Variants in OPCML observed in about 807,000 individuals in gnomAD.
OPCML encodes opioid binding protein/cell adhesion molecule like.
Under a neutral mutation model 37.8 loss-of-function variants are expected in OPCML, and 13 were observed. That is an observed-to-expected ratio of 0.34 (90% CI 0.22 to 0.55). The LOEUF (loss-of-function observed/expected upper bound fraction) is 0.55. Ranked by LOEUF, OPCML falls within the 20% of genes least tolerant of loss-of-function variation. OPCML has a pLI of 0.91. For synonymous variants in OPCML, 176 were observed against 168.8 expected (o/e 1.04, Z -0.33); for missense variants, 341 against 435.6 (o/e 0.78, Z 1.93).
chr11:133,380,312 A>G (rs1944903945), intron 1 of OPCML, among the ~76,000 whole-genome samples: 1 of 152,242 alleles, frequency 6.6e-6, no homozygotes, highest in South Asian at 2.1e-4. Flanking sequence ...ATAAAAGGCA[A>G]TCACAGAATT....
At chr11:133,518,616 C>T (rs990764241) in intron 1 of OPCML, among the ~76,000 whole-genome samples, 5 of 149,680 alleles carry the variant, frequency 3.3e-5, no homozygotes, top group African/African-American at 5.0e-5. Context: ...GGGGCTGTGG[C>T]GTGGGCAGTG....
At chr11:133,265,717 A>C (rs1941638099) in intron 1 of OPCML, among the ~76,000 whole-genome samples, 1 of 152,164 alleles carries the variant, frequency 6.6e-6, no homozygotes, top group Admixed American at 6.5e-5. Flanking sequence ...AGTCAGGCTG[A>C]GTACCACAGA....
intron 1 of OPCML, among the ~76,000 whole-genome samples, chr11:133,070,731 G>T (rs1056849550): frequency 5.3e-5 from 8 of 152,116 alleles, no homozygotes; most frequent in African/African-American, 1.9e-4. Context: ...CCATTGCCTG[G>T]GTTCATACTG....
intron 2 of OPCML, among the ~76,000 whole-genome samples, chr11:132,746,710 T>A (rs898988681): frequency 2.0e-5 from 3 of 152,206 alleles, no homozygotes; most frequent in Admixed American, 2.0e-4. Context: ...CTGGCAGGTA[T>A]GATTTCATAA....
chr11:133,462,398 C>T (rs1946878911), intron 1 of OPCML, among the ~76,000 whole-genome samples: 1 of 152,010 alleles, frequency 6.6e-6, no homozygotes. Flanking sequence ...CAGAGTGAAA[C>T]TGCAACCTAT....
chr11:132,621,942 C>T (rs577780637), intron 3 of OPCML, among the ~76,000 whole-genome samples: 42 of 152,210 alleles, frequency 2.8e-4, no homozygotes, highest in African/African-American at 9.4e-4. Flanking sequence ...TTTGTAGACA[C>T]TACAAGAAAA....
At chr11:132,604,307 C>T (rs1365426981) in intron 3 of OPCML, among the ~76,000 whole-genome samples, 2 of 151,964 alleles carry the variant, frequency 1.3e-5, no homozygotes, top group Non-Finnish European at 2.9e-5. Context: ...GGGAGGAGTC[C>T]GTGCCTTGCT....
rs557919647 is a variant in OPCML, at chr11:132,699,136, G to T, written c.147-41817C>A. 2.6e-5 allele frequency among the ~76,000 whole-genome samples: 4 copies of T among 151,404 alleles called. No homozygotes were observed. In the East Asian group the frequency reaches 7.8e-4, roughly 30 times the overall value. ...TAATGCTATTGTAAATGGGACTGTT[G>T]TTTCAACTTCTTTTTGATAGGTTCT... On this transcript the variant is annotated intron_variant, in intron 2 of 7. Coordinates refer to ENST00000524381, the MANE Select transcript of OPCML (RefSeq NM_001012393.5).
chr11:132,896,011 A>T (rs533515112), intron 2 of OPCML, among the ~76,000 whole-genome samples: 1 of 152,116 alleles, frequency 6.6e-6, no homozygotes. Flanking sequence ...AAGAAATATA[A>T]AGTTGGATCA....
At chr11:133,454,044 A>G (rs1946628442) in intron 1 of OPCML, among the ~76,000 whole-genome samples, 1 of 152,198 alleles carries the variant, frequency 6.6e-6, no homozygotes, top group African/African-American at 2.4e-5. Context: ...CATCTGATCC[A>G]ACTGCATTCC....
At chr11:132,907,192 T>G (rs931446019) in intron 2 of OPCML, among the ~76,000 whole-genome samples, 3 of 152,214 alleles carry the variant, frequency 2.0e-5, no homozygotes, top group African/African-American at 7.2e-5. Flanking sequence ...TTTTGCAATA[T>G]GAACCCTCCA....
At chr11:133,517,416 C>T (rs1227368061) in intron 1 of OPCML, among the ~76,000 whole-genome samples, 2 of 152,138 alleles carry the variant, frequency 1.3e-5, no homozygotes, top group East Asian at 3.9e-4. Context: ...GATAGTACAG[C>T]GGGTCTTAAT....
intron 7 of OPCML, among the ~76,000 whole-genome samples, chr11:132,428,599 G>T (rs2095985613): frequency 6.6e-6 from 1 of 152,160 alleles, no homozygotes. Context: ...CTGCCTCTGA[G>T]ACCCTCCAGC....
intron 2 of OPCML, among the ~76,000 whole-genome samples, chr11:132,863,413 A>G (rs988558560): frequency 3.3e-5 from 5 of 152,186 alleles, no homozygotes; most frequent in Admixed American, 2.6e-4. Flanking sequence ...TTTCTTAGTG[A>G]AGTGATTTTG....
At chr11:133,089,537 G>T (rs1948872329) in intron 1 of OPCML, among the ~76,000 whole-genome samples, 1 of 152,104 alleles carries the variant, frequency 6.6e-6, no homozygotes, top group African/African-American at 2.4e-5. Flanking sequence ...TGTGCTAAAG[G>T]CAAAACAAAA....
intron 1 of OPCML, among the ~76,000 whole-genome samples, chr11:133,515,158 C>G (rs926868531): frequency 6.6e-6 from 1 of 152,216 alleles, no homozygotes; most frequent in Non-Finnish European, 1.5e-5. Context: ...AAGCTCCTCA[C>G]AGACTTGAAC....
intron 1 of OPCML, among the ~76,000 whole-genome samples, chr11:133,152,845 G>T (rs1950005941): frequency 6.6e-6 from 1 of 151,230 alleles, no homozygotes; most frequent in Non-Finnish European, 1.5e-5. Flanking sequence ...GTTGTGTGAA[G>T]CATAATAAAA....
At chr11:132,665,856 T>C (rs1184090009) in intron 2 of OPCML, among the ~76,000 whole-genome samples, 7 of 152,186 alleles carry the variant, frequency 4.6e-5, no homozygotes, top group Non-Finnish European at 1.5e-5. Context: ...AAGGTCCTTA[T>C]GATCTCAGAC....
intron 1 of OPCML, among the ~76,000 whole-genome samples, chr11:133,195,903 C>T (rs188200663): frequency 3.0e-4 from 46 of 152,238 alleles, no homozygotes; most frequent in African/African-American, 9.1e-4. Context: ...TGAAAGGTAG[C>T]GCACTCATAG....
Sources: allele counts gnomAD v4.1 joint callset (sites outside exome capture counted in the v4.1 genomes callset), GRCh38; gene constraint gnomAD v4.1.1; transcripts MANE v1.5; gene names NCBI Gene and HGNC (gene_info 2026-07-23, HGNC 2026-07-21).